Variants in THAP4 observed in about 807,000 individuals in gnomAD.
THAP4 encodes THAP domain containing 4, also known as peroxynitrite isomerase THAP4.
Under a neutral mutation model 48.1 loss-of-function variants are expected in THAP4, and 18 were observed. The observed-to-expected ratio is 0.37, with a 90% CI of 0.26 to 0.56. THAP4 has a LOEUF of 0.56. Ranked by LOEUF, THAP4 falls within the 20% of genes least tolerant of loss-of-function variation. The pLI is 0.78. For missense variants in THAP4, 656 were observed against 774.9 expected (o/e 0.85, Z 1.82); for synonymous variants, 345 against 324.9 (o/e 1.06, Z -0.66).
chr2:241,637,575 G>T (rs1287442738), upstream of THAP4: 3 of 1,511,872 alleles, frequency 2.0e-6, no homozygotes, highest in Admixed American at 2.2e-5. Context: ...CGGCTCCCGC[G>T]TATTTCCGCT....
intron 2 of THAP4, among the ~76,000 whole-genome samples, chr2:241,614,746 G>A (rs920951177): frequency 7.9e-5 from 12 of 152,174 alleles, no homozygotes; most frequent in African/African-American, 2.4e-4. Context: ...AAAATTAGCC[G>A]GGTGTGGTGG....
At chr2:241,628,981 T>C (rs1430907378) in intron 2 of THAP4, among the ~76,000 whole-genome samples, 3 of 147,068 alleles carry the variant, frequency 2.0e-5, no homozygotes, top group African/African-American at 5.0e-5. Context: ...GAGGGGAAAC[T>C]TGGATACAGC....
intron 3 of THAP4, among the ~76,000 whole-genome samples, chr2:241,604,930 G>T (rs888038376): frequency 6.6e-6 from 1 of 152,050 alleles, no homozygotes; most frequent in Admixed American, 6.6e-5. Flanking sequence ...ACATAACCCC[G>T]ACAAAGAAAT....
chr2:241,597,698 G>C (rs1053499371), intron 5 of THAP4, among the ~76,000 whole-genome samples: 1 of 152,156 alleles, frequency 6.6e-6, no homozygotes, highest in Non-Finnish European at 1.5e-5. Context: ...CCTTCTGTGT[G>C]TGCTTCCTGG....
intron 5 of THAP4, among the ~76,000 whole-genome samples, chr2:241,593,876 AG>A (rs1257176113): frequency 6.6e-6 from 1 of 152,024 alleles, no homozygotes; most frequent in African/African-American, 2.4e-5. Flanking sequence ...TTGTGAAACC[AG>A]GTTTTGCTAT....
intron 5 of THAP4, 185 bp from the exon 6 acceptor site, chr2:241,584,910 G>A: frequency 1.5e-6 from 1 of 679,386 alleles, no homozygotes; most frequent in Non-Finnish European, 2.5e-6. Context: ...CCCTTCAGCT[G>A]CCTCCAGAAG....
chr2:241,597,137 CT>C (rs1387304190), intron 5 of THAP4, among the ~76,000 whole-genome samples: 3 of 152,094 alleles, frequency 2.0e-5, no homozygotes, highest in African/African-American at 7.2e-5. Context: ...AAGGAAACTT[CT>C]TTTTTCCCCA....
intron 5 of THAP4, among the ~76,000 whole-genome samples, chr2:241,591,331 G>A (rs1389130393): frequency 6.6e-6 from 1 of 152,144 alleles, no homozygotes; most frequent in Non-Finnish European, 1.5e-5. Flanking sequence ...TGTGGAGCAC[G>A]GGGACTTTCT....
chr2:241,596,579 C>T (rs79569830), intron 5 of THAP4, among the ~76,000 whole-genome samples: 1 of 83,580 alleles, frequency 1.2e-5, no homozygotes, highest in African/African-American at 6.5e-5. Context: ...GGCAGAGGTG[C>T]GCAGATCACG....
At chr2:241,637,177 A>G (rs1156516317), upstream of THAP4, 1 of 969,946 alleles carries the variant, frequency 1.0e-6, no homozygotes, top group Non-Finnish European at 1.2e-6. Context: ...AGGCGCCCGC[A>G]GCGGGCCCGC....
intron 4 of THAP4, among the ~76,000 whole-genome samples, chr2:241,602,356 T>C (rs897789191): frequency 6.7e-6 from 1 of 149,384 alleles, no homozygotes; most frequent in Non-Finnish European, 1.5e-5. Flanking sequence ...TCACGCAGGC[T>C]GGTTTTTTTT....
At chr2:241,628,975 G>C (rs1363376542) in intron 2 of THAP4, among the ~76,000 whole-genome samples, 1 of 150,870 alleles carries the variant, frequency 6.6e-6, no homozygotes, top group East Asian at 1.9e-4. Context: ...AAAAAGGAGG[G>C]GAAACTTGGA....
At chr2:241,591,188 C>A (rs867862950) in intron 5 of THAP4, among the ~76,000 whole-genome samples, 11 of 149,036 alleles carry the variant, frequency 7.4e-5, no homozygotes, top group Non-Finnish European at 1.3e-4. Flanking sequence ...CAGAGCTGCT[C>A]GGCTGATGAT....
rs2067107579 is a variant in THAP4 at position 241,601,101 on chromosome 2, A to G, written c.1614+795T>C. On this transcript the variant is annotated intron_variant, in intron 5 of 5. Coordinates refer to ENST00000407315, the MANE Select transcript of THAP4 (RefSeq NM_015963.6). This position sits in a 1 kb window ranked among gnomAD's most constrained non-coding sequence, Gnocchi z 4.0. ...CAAGACCAGCCTGACCAACATGGAGAAACCCTGTCTCTACTAATAATACAA... is the reference window on the plus strand; with the variant it reads ...CAAGACCAGCCTGACCAACATGGAGGAACCCTGTCTCTACTAATAATACAA... Among the ~76,000 whole-genome samples, 1 of 152,142 alleles carries G rather than the reference A, an allele frequency of 6.6e-6. No individual in the cohort carries two copies. Among genetic ancestry groups the G allele is most frequent in the African/African-American group, 2.4e-5 (1 of 41,412 alleles).
chr2:241,606,447 C>T lies in THAP4; in HGVS notation c.1267G>A (p.Glu423Lys). The T allele has an allele frequency of 6.2e-7, 1 of 1,607,762 alleles. No individual in the cohort carries two copies. The part of the protein sequence containing the change: ...REPPKMNPVV[E>K]PLSWMLGTWL... The stretch of plus-strand genomic sequence containing the variant: ...GTGCCCAGCATCCAGGACAGTGGCT[C>T]CACCACTGGGTTCATCTTGGGGGGC... The change falls in exon 3 of 6, where the codon GAG (glutamate) becomes AAG (lysine). Residue 423 changes from glutamate to lysine, a missense_variant. Physicochemically the swap from Glu to Lys is moderately conservative, Grantham distance 56. Coordinates refer to ENST00000407315, the MANE Select transcript of THAP4 (RefSeq NM_015963.6).
At chr2:241,604,699 C>T (rs761393549) in intron 3 of THAP4, among the ~76,000 whole-genome samples, 10 of 152,108 alleles carry the variant, frequency 6.6e-5, no homozygotes, top group Admixed American at 1.3e-4. Flanking sequence ...CGTCAGCCAC[C>T]GCACCTGGCC....
intron 2 of THAP4, among the ~76,000 whole-genome samples, chr2:241,609,636 A>G (rs938348922): frequency 6.6e-6 from 1 of 152,046 alleles, no homozygotes; most frequent in Non-Finnish European, 1.5e-5. Flanking sequence ...AAAATACAAA[A>G]ATTAGCCGGG....
At chr2:241,620,163 A>G (rs2067406697) in intron 2 of THAP4, among the ~76,000 whole-genome samples, 1 of 36,452 alleles carries the variant, frequency 2.7e-5, no homozygotes, top group African/African-American at 1.2e-4. Flanking sequence ...TGAGTCGGTG[A>G]GTGAGGGGTG....
intron 2 of THAP4, among the ~76,000 whole-genome samples, chr2:241,615,429 T>C (rs1197167248): frequency 3.5e-4 from 53 of 152,200 alleles, no homozygotes; most frequent in Non-Finnish European, 1.2e-4. Context: ...CCCAAGAGTG[T>C]TTACTATGTT....
Sources: gnomAD v4.1 joint callset for allele counts (sites outside exome capture counted in the v4.1 genomes callset) on GRCh38, gnomAD v4.1.1 for gene constraint, Gnocchi (gnomAD v3.1) non-coding constraint, MANE v1.5 for transcripts, NCBI Gene and HGNC (gene_info 2026-07-23, HGNC 2026-07-21) for gene names.